MIB2: variants seen among roughly 807,000 people sequenced by gnomAD.
MIB2 encodes the protein E3 ubiquitin-protein ligase MIB2.
Under a neutral mutation model 96.6 loss-of-function variants are expected in MIB2, and 78 were observed. The ratio of observed to expected loss-of-function variants is 0.81; its 90% CI spans 0.67 to 0.97. MIB2 has a LOEUF of 0.97. Among genes scored for constraint, MIB2 ranks in the 50% least tolerant of loss-of-function variants. The pLI is 0.00. For synonymous variants in MIB2, 820 were observed against 629.5 expected, an observed-to-expected ratio of 1.30 and a Z score of -4.53; for missense variants, 1,543 against 1,424.0, an observed-to-expected ratio of 1.08 and a Z score of -1.35.
intron 1 of MIB2, chr1:1,615,932 G>C: frequency 2.0e-6 from 2 of 991,368 alleles, no homozygotes; most frequent in Non-Finnish European, 2.4e-6. Flanking sequence ...GGCCGGGTGG[G>C]CTGCGGCGCG....
Position 1,626,309 on chromosome 1 carries a change from C to A in MIB2, c.973-341C>A. On this transcript the variant is annotated intron_variant, in intron 8 of 19. Transcript: ENST00000355826. This position sits in a 1 kb window ranked among gnomAD's most constrained non-coding sequence, Gnocchi z 5.3. ...CCTGCACCCCATGGTCCTGGGGCCC[C>A]ACCCCCACGCTGGCTCACGGGCCCT... is the stretch of plus-strand genomic sequence containing the variant. 2.7e-6 allele frequency: 1 copy of A among 369,992 alleles called. No individual in the cohort carries two copies. Among genetic ancestry groups the A allele is most frequent in the South Asian group, 5.0e-5 (1 of 20,132 alleles). 22.9% of individuals were successfully genotyped at this position (369,992 alleles called of 1,614,324 possible).
At position 1,624,829 on chromosome 1, in the gene MIB2, A is replaced by G. The variant is rs1312429482; in HGVS notation, c.454A>G (p.Ile152Val). 1.2e-6 allele frequency: 2 copies of G among 1,612,920 alleles called. No homozygotes were observed. The highest frequency in any genetic ancestry group is 1.6e-4 in the Middle Eastern group (1 of 6,084). ...TLSPRQGLPR[I>V]PLRGIFQGAK... ...GAGTCCCCGCCAGGGCCTCCCGAGG[A>G]TCCCACTAAGGGGCATCTTCCAGGG... is the stretch of plus-strand genomic sequence containing the variant. Residue 152 changes from isoleucine to valine, a missense_variant, in exon 5 of 20, where the codon ATC (isoleucine) becomes GTC (valine). Ile to Val is a conservative substitution (Grantham distance 29). Transcript: ENST00000355826.
chr1:1,615,905 G>T (rs1295196256), intron 1 of MIB2: 3 of 1,014,980 alleles, frequency 3.0e-6, no homozygotes, highest in South Asian at 4.6e-5. Flanking sequence ...TGGGGTCGGC[G>T]CTGGGGTCGT....
chr1:1,615,636 G>C lies in MIB2; in HGVS notation c.-130+3G>C. The stretch of plus-strand genomic sequence containing the variant: ...GCGGGCCGTCCTCTCGGCTGATGGT[G>C]CGTGCGGGCGCGGATCTCCTCCCCT... On this transcript the variant is annotated splice_donor_region_variant and intron_variant, in intron 1 of 19. Coordinates refer to ENST00000355826, the MANE Select transcript of MIB2 (RefSeq NM_001170687.4). 6.4e-7 allele frequency: 1 copy of C among 1,574,618 alleles called. No individual in the cohort carries two copies. The highest frequency in any genetic ancestry group is 8.6e-7 in the Non-Finnish European group (1 of 1,164,504).
Position 1,625,092 on chromosome 1 carries a change from G to A in MIB2, c.628G>A (p.Val210Met). ...GACGTGGGCTGATGGTACCACCAAT[G>A]TGTACCGTGTGGGCCACAAGGGCAA... The part of the protein sequence containing the change: ...SVTWADGTTN[V>M]YRVGHKGKVD... The change falls in exon 6 of 20, where the codon GTG (valine) becomes ATG (methionine). Residue 210 changes from valine (V) to methionine (M), a missense_variant. Coordinates refer to ENST00000355826, the MANE Select transcript of MIB2 (RefSeq NM_001170687.4). This position sits in a 1 kb window ranked among gnomAD's most constrained non-coding sequence, Gnocchi z 5.0. 6.2e-7 allele frequency: 1 copy of A among 1,613,384 alleles called. No homozygotes were observed. Among genetic ancestry groups the A allele is most frequent in the Non-Finnish European group, 8.5e-7 (1 of 1,180,004 alleles).
rs763109240 is a variant in MIB2, at chr1:1,625,612, C to G, written c.931C>G (p.His311Asp). Reference protein sequence around the residue: ...DRGDVRVQFNHETRWTFHPGA... With the variant: ...DRGDVRVQFNDETRWTFHPGA... ...CGGGGACGTGCGCGTGCAGTTCAAC[C>G]ACGAGACGCGCTGGACCTTCCACCC... Residue 311 changes from histidine to aspartate, a missense_variant, in exon 8 of 20, where the codon CAC (histidine) becomes GAC (aspartate). Physicochemically the swap from His to Asp is moderately conservative, Grantham distance 81. Coordinates refer to ENST00000355826, the MANE Select transcript of MIB2 (RefSeq NM_001170687.4). The surrounding 1 kb of genome is among the most constrained non-coding windows in gnomAD (Gnocchi z 5.0). The G allele has an allele frequency of 6.5e-5, 103 of 1,575,990 alleles. No homozygotes were observed. The highest frequency in any genetic ancestry group is 8.0e-5 in the Non-Finnish European group (93 of 1,161,436).
At chr1:1,617,698 G>T (rs1220287499) in intron 2 of MIB2, 2 of 152,200 alleles carry the variant, frequency 1.3e-5, no homozygotes, top group Non-Finnish European at 2.9e-5. Context: ...CTGCCTCGAG[G>T]CTGGTGTGTG....
intron 2 of MIB2, chr1:1,616,936 T>A (rs1347604250): frequency 1.3e-5 from 4 of 300,782 alleles, no homozygotes; most frequent in African/African-American, 2.3e-5. Context: ...GCAACAAGTG[T>A]CTGAATGTGG....
At chr1:1,617,431 C>T (rs938520200) in intron 2 of MIB2, 5 of 152,258 alleles carry the variant, frequency 3.3e-5, no homozygotes, top group African/African-American at 9.6e-5. Context: ...GTCCTCCTGC[C>T]CTCTGAGAGC....
Position 1,625,931 on chromosome 1 carries a change from T to G in MIB2, c.972+278T>G. The G allele has an allele frequency of 1.9e-6, 1 of 518,520 alleles. No homozygotes were observed. Among genetic ancestry groups the G allele is most frequent in the Non-Finnish European group, 3.5e-6 (1 of 288,964 alleles). 32.1% of individuals were successfully genotyped at this position (518,520 alleles called of 1,614,324 possible). On this transcript the variant is annotated intron_variant, in intron 8 of 19. Coordinates refer to ENST00000355826, the MANE Select transcript of MIB2 (RefSeq NM_001170687.4). The surrounding 1 kb of genome is among the most constrained non-coding windows in gnomAD (Gnocchi z 5.0). Reference sequence around the variant, plus strand: ...CAGGACACCAGGAAGGCAGGACAGCTTCGTGGGCGGGAGGGAGGCGGCTGG... The same window carrying G: ...CAGGACACCAGGAAGGCAGGACAGCGTCGTGGGCGGGAGGGAGGCGGCTGG...
intron 10 of MIB2, 32 bp downstream of exon 10, chr1:1,627,031 TG>T: frequency 6.2e-7 from 1 of 1,605,268 alleles, no homozygotes; most frequent in South Asian, 1.1e-5. Context: ...CAGTGGGAGG[TG>T]GGGCTGCCCC....
chr1:1,629,499 C>T lies in MIB2; in HGVS notation c.2496C>T (p.Cys832=), dbSNP rs931589681. 3.9e-6 allele frequency: 6 copies of T among 1,534,960 alleles called. No homozygotes were observed. The highest frequency in any genetic ancestry group is 3.5e-6 in the Non-Finnish European group (4 of 1,145,576). Residue 832 remains cysteine, a synonymous_variant, in exon 18 of 20, where the codon TGC becomes TGT. Coordinates refer to ENST00000355826, the MANE Select transcript of MIB2 (RefSeq NM_001170687.4). ...CGCCGGGGCCCGAGGCCGCTGAGTG[C>T]CTGGTGTGCTCCGAGCTGGCGCTGC... ...GAAPGPEAAE[C]LVCSELALLV...
Position 1,623,801 on chromosome 1 carries a change from A to T in MIB2, c.275A>T (p.Asp92Val). The change falls in exon 4 of 20, where the codon GAC becomes GTC. Residue 92 changes from aspartate to valine, a missense_variant. Physicochemically the swap from Asp to Val is radical, Grantham distance 152. Transcript: ENST00000355826. ...IGVRHPNIIC[D>V]CCKKHGLRGM... ...GTCCGGCACCCCAACATCATCTGTG[A>T]CTGCTGCAAGAAGCACGGGCTGCGG... 1 of 1,608,186 alleles carries T rather than the reference A, an allele frequency of 6.2e-7. No individual in the cohort carries two copies. Among genetic ancestry groups the T allele is most frequent in the East Asian group, 2.2e-5 (1 of 44,574 alleles).
intron 19 of MIB2, 138 bp downstream of exon 19, chr1:1,629,842 C>T (rs1638415479): frequency 2.0e-6 from 2 of 998,296 alleles, no homozygotes; most frequent in South Asian, 1.8e-5. Context: ...AGGCTCACAC[C>T]CGGCCCCCCA....
chr1:1,622,676 G>A (rs549824222), intron 2 of MIB2, among the ~76,000 whole-genome samples: 1 of 152,346 alleles, frequency 6.6e-6, no homozygotes, highest in East Asian at 1.9e-4. Flanking sequence ...TGGCCACTGA[G>A]GACCCAGGAA....
In MIB2 at chr1:1,625,958, C is replaced by G; in HGVS notation, c.972+305C>G. On this transcript the variant is annotated intron_variant, in intron 8 of 19. Transcript: ENST00000355826. The surrounding 1 kb of genome is among the most constrained non-coding windows in gnomAD (Gnocchi z 5.0). ...CGTGGGCGGGAGGGAGGCGGCTGGGCTAAGATGCTCCTGGTTAGTGCTGTA... is the reference window on the plus strand; with the variant it reads ...CGTGGGCGGGAGGGAGGCGGCTGGGGTAAGATGCTCCTGGTTAGTGCTGTA... The G allele has an allele frequency of 2.1e-6, 1 of 468,000 alleles. No individual in the cohort carries two copies. Among genetic ancestry groups the G allele is most frequent in the Non-Finnish European group, 3.9e-6 (1 of 257,352 alleles). 29.0% of individuals were successfully genotyped at this position (468,000 alleles called of 1,614,324 possible). A position where few individuals can be genotyped will look rare whatever the true frequency, so the allele number is the denominator to read the frequency against.
Position 1,629,190 on chromosome 1 carries a change from T to A in MIB2, c.2260T>A (p.Cys754Ser). 1 of 1,514,420 alleles carries A rather than the reference T, an allele frequency of 6.6e-7. No homozygotes were observed. The highest frequency in any genetic ancestry group is 8.8e-7 in the Non-Finnish European group (1 of 1,139,700). 93.8% of individuals were successfully genotyped at this position (1,514,420 alleles called of 1,614,324 possible). ...GCTGACGGTGGGCGCGGCGGTCGCCTGCTTCCTGGCGCTGGAGGGCGCCGA... is the reference window on the plus strand; with the variant it reads ...GCTGACGGTGGGCGCGGCGGTCGCCAGCTTCCTGGCGCTGGAGGGCGCCGA... Reference protein sequence around the residue: ...AELTVGAAVACFLALEGADVS... With the variant: ...AELTVGAAVASFLALEGADVS... The change falls in exon 17 of 20, where the codon TGC becomes AGC. Residue 754 changes from cysteine to serine, a missense_variant. Transcript: ENST00000355826.
In MIB2 at chr1:1,625,221, T is replaced by C. The variant is rs1486105469; in HGVS notation, c.721+36T>C. ...GTCACACTGACTCCATCAGCCCTCC[T>C]GCCTTGGCTGAAGTCCCAGAGGGGA... On this transcript the variant is annotated intron_variant, in intron 6 of 19. Transcript: ENST00000355826. This position sits in a 1 kb window ranked among gnomAD's most constrained non-coding sequence, Gnocchi z 5.0. 1 of 1,602,770 alleles carries C rather than the reference T, an allele frequency of 6.2e-7. No homozygotes were observed.
At chr1:1,615,371 C>A, upstream of MIB2, 1 of 1,421,058 alleles carries the variant, frequency 7.0e-7, no homozygotes, top group South Asian at 1.5e-5. Context: ...CGGAACCTAG[C>A]TGCGCCACGC....
Sources: gnomAD v4.1 joint callset for allele counts (sites outside exome capture counted in the v4.1 genomes callset) on GRCh38, gnomAD v4.1.1 for gene constraint, Gnocchi (gnomAD v3.1) non-coding constraint, MANE v1.5 for transcripts, NCBI Gene and HGNC (gene_info 2026-07-23, HGNC 2026-07-21) for gene names.